BANK1: variants seen among roughly 807,000 people sequenced by gnomAD.
BANK1 encodes B cell scaffold protein with ankyrin repeats 1, also known as B-cell scaffold protein with ankyrin repeats.
Under a neutral mutation model 94.5 loss-of-function variants are expected in BANK1, and 95 were observed. The ratio of observed to expected loss-of-function variants is 1.00; its 90% CI spans 0.85 to 1.19. The LOEUF (loss-of-function observed/expected upper bound fraction) is 1.19, where lower values mean the gene tolerates loss of function less well. BANK1 is among the 50% of genes most tolerant of loss of function. The probability of loss-of-function intolerance (pLI) is 0.00; values close to 1 mark genes in which losing one functional copy is unlikely to be tolerated. For synonymous variants in BANK1, 334 were observed against 308.4 expected, an observed-to-expected ratio of 1.08 and a Z score of -0.87; for missense variants, 987 against 932.2, an observed-to-expected ratio of 1.06 and a Z score of -0.77.
intron 6 of BANK1, among the ~76,000 whole-genome samples, chr4:101,912,492 T>C (rs1722694989): frequency 1.3e-5 from 2 of 151,676 alleles, no homozygotes; most frequent in East Asian, 1.9e-4. Flanking sequence ...AAAATGTGTG[T>C]GTATATGTGT....
At position 102,060,358 on chromosome 4, in the gene BANK1, T is replaced by C; in HGVS notation, c.2117T>C (p.Met706Thr). Reference protein sequence around the residue: ...EALEKFKHWQMGKSGLEMIQQ... With the variant: ...EALEKFKHWQTGKSGLEMIQQ... ...CTGGAGAAATTTAAACACTGGCAGA[T>C]GGGAAAAAGTGGCCTGGAAATGATT... The change falls in exon 12 of 17, where the codon ATG (methionine) becomes ACG (threonine). Residue 706 changes from methionine (M) to threonine (T), a missense_variant. By Grantham distance (81) the Met-to-Thr change is moderately conservative. Transcript: ENST00000322953. 2 of 1,608,940 alleles carry C rather than the reference T, an allele frequency of 1.2e-6. No individual in the cohort carries two copies. The highest frequency in any genetic ancestry group is 1.7e-6 in the Non-Finnish European group (2 of 1,178,154).
chr4:102,048,467 C>T (rs1391107257), intron 11 of BANK1, among the ~76,000 whole-genome samples: 1 of 152,238 alleles, frequency 6.6e-6, no homozygotes, highest in East Asian at 1.9e-4. Context: ...GCAATGAAAA[C>T]TGCTTATTAC....
At chr4:101,907,200 T>G (rs931950685) in intron 6 of BANK1, among the ~76,000 whole-genome samples, 1 of 152,190 alleles carries the variant, frequency 6.6e-6, no homozygotes, top group East Asian at 1.9e-4. Flanking sequence ...AAAAAGCTTA[T>G]CCACCATGAT....
chr4:101,810,089 G>C (rs907530540), intron 1 of BANK1, among the ~76,000 whole-genome samples: 10 of 152,172 alleles, frequency 6.6e-5, no homozygotes, highest in African/African-American at 2.4e-4. Context: ...AGCATGAGAA[G>C]GACTTGGCCC....
intron 7 of BANK1, among the ~76,000 whole-genome samples, chr4:101,927,795 G>A (rs1395534287): frequency 1.3e-5 from 2 of 151,616 alleles, no homozygotes; most frequent in Non-Finnish European, 1.5e-5. Context: ...TCAGGAGTTT[G>A]GCTTGGGACA....
At chr4:101,918,271 C>T in intron 7 of BANK1, 82 bp downstream of exon 7, 1 of 969,484 alleles carries the variant, frequency 1.0e-6, no homozygotes, top group Non-Finnish European at 1.4e-6. Flanking sequence ...AACCTATTAC[C>T]TTTACCGTTT....
chr4:101,813,784 G>C, intron 1 of BANK1: 4 of 797,192 alleles, frequency 5.0e-6, no homozygotes, highest in Non-Finnish European at 6.1e-6. Flanking sequence ...GAGCTTCTGC[G>C]GGTGGTAGGA....
intron 10 of BANK1, among the ~76,000 whole-genome samples, chr4:102,040,988 G>A (rs906882872): frequency 6.6e-6 from 1 of 151,994 alleles, no homozygotes; most frequent in Non-Finnish European, 1.5e-5. Flanking sequence ...TGCCAAGTTG[G>A]CTAGTATTCT....
chr4:101,864,400 A>T (rs901336619), intron 4 of BANK1, among the ~76,000 whole-genome samples: 3 of 152,224 alleles, frequency 2.0e-5, no homozygotes, highest in African/African-American at 7.2e-5. Flanking sequence ...ATGACCCAGT[A>T]CATATGCACA....
At chr4:102,060,489 C>T (rs1010716039) in intron 12 of BANK1, 100 bp downstream of exon 12, 4 of 1,248,156 alleles carry the variant, frequency 3.2e-6, no homozygotes, top group Non-Finnish European at 4.4e-6. Flanking sequence ...ACTGTTCTTT[C>T]ATTTTTAACT....
At chr4:101,951,096 A>G (rs1267336189) in intron 7 of BANK1, among the ~76,000 whole-genome samples, 2 of 152,154 alleles carry the variant, frequency 1.3e-5, no homozygotes, top group African/African-American at 2.4e-5. Flanking sequence ...TGAGTAAAAT[A>G]TGGATGTTAG....
chr4:102,025,080 C>T, intron 8 of BANK1, 121 bp from the exon 9 acceptor site: 1 of 1,064,628 alleles, frequency 9.4e-7, no homozygotes, highest in Non-Finnish European at 1.4e-6. Flanking sequence ...GACAGCTTTT[C>T]ACTATATCAG....
At chr4:101,957,412 G>A (rs977911053) in intron 7 of BANK1, among the ~76,000 whole-genome samples, 2 of 152,088 alleles carry the variant, frequency 1.3e-5, no homozygotes, top group Non-Finnish European at 2.9e-5. Context: ...ATTATTTGGG[G>A]CCTACCAGAC....
Position 101,829,000 on chromosome 4 carries a change from C to T in BANK1, c.71-808C>T, listed in dbSNP as rs539076409. Among the ~76,000 whole-genome samples the T allele has an allele frequency of 7.9e-5, 12 of 151,990 alleles. No homozygotes were observed. In the East Asian group the frequency reaches 1.4e-3, roughly 17 times the overall value. ...GACTCAGCCTCCCAAGTGCCTGGGA[C>T]TACAGGCACCCACCACCACACCCAG... On this transcript the variant is annotated intron_variant, in intron 1 of 16. Coordinates refer to ENST00000322953, the MANE Select transcript of BANK1 (RefSeq NM_017935.5).
chr4:101,842,960 C>T (rs534443999), intron 2 of BANK1, among the ~76,000 whole-genome samples: 4 of 152,234 alleles, frequency 2.6e-5, no homozygotes, highest in Non-Finnish European at 5.9e-5. Context: ...TATTTGAATC[C>T]AATTTCAGTT....
intron 7 of BANK1, among the ~76,000 whole-genome samples, chr4:102,014,139 G>A (rs957488726): frequency 2.0e-5 from 3 of 152,028 alleles, no homozygotes; most frequent in African/African-American, 4.8e-5. Context: ...GTTTAAATGG[G>A]ATATTTAACA....
At chr4:101,890,984 C>T (rs1239483066) in intron 5 of BANK1, among the ~76,000 whole-genome samples, 1 of 151,954 alleles carries the variant, frequency 6.6e-6, no homozygotes, top group Non-Finnish European at 1.5e-5. Flanking sequence ...TGACTACATA[C>T]ATTTAGAACA....
chr4:102,063,009 A>T, intron 12 of BANK1, 66 bp from the exon 13 acceptor site: 1 of 1,274,984 alleles, frequency 7.8e-7, no homozygotes, highest in Non-Finnish European at 1.1e-6. Context: ...ATAGTAGTTG[A>T]TGTTTTCATC....
At chr4:101,885,169 G>A (rs922250280) in intron 5 of BANK1, among the ~76,000 whole-genome samples, 2 of 152,146 alleles carry the variant, frequency 1.3e-5, no homozygotes, top group Non-Finnish European at 1.5e-5. Context: ...CACCGACCTC[G>A]GCTTCCCAAA....
Sources: gnomAD v4.1 joint callset for allele counts (sites outside exome capture counted in the v4.1 genomes callset) on GRCh38, gnomAD v4.1.1 for gene constraint, MANE v1.5 for transcripts, NCBI Gene and HGNC (gene_info 2026-07-23, HGNC 2026-07-21) for gene names.